The following MRE11 variants were observed in gnomAD, a reference collection of about 807,000 sequenced individuals.
MRE11 encodes MRE11 double strand break repair nuclease, also known as double-strand break repair protein MRE11.
MRE11 carries 62 observed loss-of-function variants against 91.7 expected under a neutral mutation model. The observed-to-expected ratio is 0.68, with a 90% confidence interval of 0.55 to 0.84. MRE11 has a LOEUF of 0.84. MRE11 is among the 40% of genes least tolerant of loss of function. The probability of loss-of-function intolerance (pLI) is 0.00; values close to 1 mark genes in which losing one functional copy is unlikely to be tolerated. For missense variants in MRE11, 796 were observed against 852.9 expected (o/e 0.93, Z 0.83); for synonymous variants, 273 against 271.4 (o/e 1.01, Z -0.06).
intron 19 of MRE11, among the ~76,000 whole-genome samples, chr11:94,421,232 T>C (rs909636436): frequency 1.3e-5 from 2 of 152,224 alleles, no homozygotes; most frequent in Admixed American, 1.3e-4. Context: ...AGCAAATTTG[T>C]TTATAAGTTT....
intron 14 of MRE11, among the ~76,000 whole-genome samples, chr11:94,454,073 AT>A (rs763249653): frequency 0.087 from 12,118 of 138,616 alleles, 1,149 homozygotes; most frequent in African/African-American, 0.26. Context: ...TGAACAAAAG[AT>A]TTTTTTTTTT....
rs1473052720 is a variant in MRE11 at position 94,450,936 on chromosome 11, AAAGG to A, written c.1564-3502_1564-3499del. On this transcript the variant is annotated intron_variant, in intron 14 of 19. Transcript: ENST00000323929. ...TAATAAAAATCACAAAGCTTTAAAG[AAAGG>A]AAGAAAACACAAATATACATCATTA... Among the ~76,000 whole-genome samples the A allele has an allele frequency of 1.4e-4, 22 of 152,288 alleles. No individual in the cohort carries two copies. The East Asian group carries it at 4.1e-3, about 28-fold the overall frequency.
At chr11:94,454,497 T>C (rs1249642614) in intron 14 of MRE11, among the ~76,000 whole-genome samples, 2 of 152,208 alleles carry the variant, frequency 1.3e-5, no homozygotes, top group Non-Finnish European at 2.9e-5. Context: ...TGCAAAGCTG[T>C]GAATTACAGC....
At chr11:94,481,706 G>A (rs1947017727) in intron 4 of MRE11, among the ~76,000 whole-genome samples, 1 of 152,104 alleles carries the variant, frequency 6.6e-6, no homozygotes, top group Non-Finnish European at 1.5e-5. Flanking sequence ...ATTCCTACAT[G>A]TATTTGAGGC....
chr11:94,486,776 C>T (rs1358175939), intron 3 of MRE11, among the ~76,000 whole-genome samples: 1 of 152,136 alleles, frequency 6.6e-6, no homozygotes, highest in African/African-American at 2.4e-5. Flanking sequence ...AATGAACTAA[C>T]ATGGTGGCAT....
chr11:94,465,165 T>C (rs982006237), intron 10 of MRE11, among the ~76,000 whole-genome samples: 1 of 152,180 alleles, frequency 6.6e-6, no homozygotes, highest in Non-Finnish European at 1.5e-5. Flanking sequence ...GTCAGTACAA[T>C]GTAGTTTTGT....
At chr11:94,480,850 T>A (rs1946993550) in intron 4 of MRE11, among the ~76,000 whole-genome samples, 1 of 152,152 alleles carries the variant, frequency 6.6e-6, no homozygotes, top group Non-Finnish European at 1.5e-5. Context: ...TTGGAGAGAC[T>A]CTAAGTTAGT....
chr11:94,475,545 C>T (rs769241211), intron 7 of MRE11: 72 of 453,940 alleles, frequency 1.6e-4, no homozygotes, highest in Non-Finnish European at 3.0e-4. Flanking sequence ...GTCACCACCT[C>T]ACATTTTTAC....
At chr11:94,467,397 G>GC (rs1946591015) in intron 10 of MRE11, among the ~76,000 whole-genome samples, 1 of 150,760 alleles carries the variant, frequency 6.6e-6, no homozygotes, top group South Asian at 2.1e-4. Flanking sequence ...AGTGAAATCA[G>GC]GGCACTGGAG....
intron 18 of MRE11, among the ~76,000 whole-genome samples, chr11:94,430,332 C>T (rs954318894): frequency 2.6e-5 from 4 of 152,066 alleles, no homozygotes; most frequent in Non-Finnish European, 4.4e-5. Flanking sequence ...ATATTAAGTA[C>T]TACAACAATA....
In MRE11 at chr11:94,435,634, T is replaced by C. The variant is rs1945585247; in HGVS notation, c.1994+198A>G. Reference sequence around the variant, plus strand: ...AAAAAAATTACAGGCTATTTCAATTTTCACTGAAAATCCTTGTACTAATGC... The same window carrying C: ...AAAAAAATTACAGGCTATTTCAATTCTCACTGAAAATCCTTGTACTAATGC... On this transcript the variant is annotated intron_variant, in intron 18 of 19. Coordinates refer to ENST00000323929, the MANE Select transcript of MRE11 (RefSeq NM_005591.4). Among the ~76,000 whole-genome samples, 1 of 152,186 alleles carries C rather than the reference T, an allele frequency of 6.6e-6. No homozygotes were observed. The highest frequency in any genetic ancestry group is 1.5e-5 in the Non-Finnish European group (1 of 68,034).
In MRE11 at chr11:94,435,917, CAACA is replaced by C. The variant is rs1945597817; in HGVS notation, c.1927-22_1927-19del. On this transcript the variant is annotated intron_variant, in intron 17 of 19. Coordinates refer to ENST00000323929, the MANE Select transcript of MRE11 (RefSeq NM_005591.4). ...TCAATCACCTGGCAAGGAAACAAAG[CAACA>C]AACAGTTTTTGTGAGAATAGACTCT... is the stretch of plus-strand genomic sequence containing the variant. 8 of 1,608,628 alleles carry C rather than the reference CAACA, an allele frequency of 5.0e-6. No homozygotes were observed. The highest frequency in any genetic ancestry group is 3.3e-5 in the Admixed American group (2 of 59,964).
At chr11:94,497,034 G>A, upstream of MRE11, 1 of 1,557,776 alleles carries the variant, frequency 6.4e-7, no homozygotes, top group Non-Finnish European at 8.8e-7. Flanking sequence ...TACTGTTATG[G>A]CCATCATACC....
chr11:94,429,812 T>C (rs1209378389), intron 19 of MRE11, 99 bp downstream of exon 19: 3 of 1,004,930 alleles, frequency 3.0e-6, no homozygotes, highest in African/African-American at 3.3e-5. Flanking sequence ...GATGAAGTTA[T>C]TTATCAAAGA....
At chr11:94,443,230 A>G (rs141996486) in intron 16 of MRE11, among the ~76,000 whole-genome samples, 38 of 152,338 alleles carry the variant, frequency 2.5e-4, no homozygotes, top group African/African-American at 9.1e-4. Flanking sequence ...ATGGAGAACT[A>G]GTAGCTAGGT....
chr11:94,459,459 T>C lies in MRE11; in HGVS notation c.1449A>G (p.Arg483=), dbSNP rs750594251. 1.9e-6 allele frequency: 3 copies of C among 1,614,078 alleles called. 1 individual carries two copies. The South Asian group carries it at 3.3e-5, about 18-fold the overall frequency. The stretch of plus-strand genomic sequence containing the variant: ...CATCAATATGACGTTCTTTAAGAAA[T>C]CGCTGTGTTTTTTCCAACTGGTATT... ...LVKYQLEKTQ[R]FLKERHIDAL... The change falls in exon 13 of 20, where the codon CGA becomes CGG. Residue 483 remains arginine, a synonymous_variant. Transcript: ENST00000323929.
intron 14 of MRE11, among the ~76,000 whole-genome samples, chr11:94,450,532 A>G (rs979267321): frequency 1.3e-5 from 2 of 152,186 alleles, no homozygotes; most frequent in African/African-American, 4.8e-5. Context: ...TTGATAGGAG[A>G]AATAAATTTA....
intron 10 of MRE11, among the ~76,000 whole-genome samples, chr11:94,465,103 T>C (rs10765682): frequency 0.12 from 18,252 of 152,256 alleles, 1,228 homozygotes; most frequent in South Asian, 0.18. Flanking sequence ...GCAGCATCCA[T>C]AATAGCAGGT....
intron 4 of MRE11, among the ~76,000 whole-genome samples, chr11:94,484,778 G>A (rs1486065304): frequency 1.3e-5 from 2 of 152,166 alleles, no homozygotes; most frequent in African/African-American, 4.8e-5. Flanking sequence ...ATACCAAATT[G>A]AGGGACGTTC....
Sources: allele counts gnomAD v4.1 joint callset (sites outside exome capture counted in the v4.1 genomes callset), GRCh38; gene constraint gnomAD v4.1.1; transcripts MANE v1.5; gene names NCBI Gene and HGNC (gene_info 2026-07-23, HGNC 2026-07-21).